The following RERE variants were observed in gnomAD, a reference collection of about 807,000 sequenced individuals.
RERE encodes arginine-glutamic acid dipeptide repeats protein.
A neutral mutation model predicts 146.1 loss-of-function variants in RERE; 40 were observed. The observed-to-expected ratio is 0.27, with a 90% CI of 0.21 to 0.36. RERE has a LOEUF of 0.36. Ranked by LOEUF, RERE falls within the 10% of genes least tolerant of loss-of-function variation. The pLI, the probability that RERE is intolerant of heterozygous loss-of-function variation, is 1.00. For missense variants in RERE, 1,933 were observed against 2,138.7 expected (o/e 0.90, Z 1.90); for synonymous variants, 1,003 against 866.0 (o/e 1.16, Z -2.78).
intron 11 of RERE, among the ~76,000 whole-genome samples, chr1:8,437,859 C>T (rs568012993): frequency 2.5e-4 from 38 of 152,184 alleles, no homozygotes; most frequent in African/African-American, 9.2e-4. Flanking sequence ...CAGGCTGAGA[C>T]TTCTGCTCCC....
intron 1 of RERE, among the ~76,000 whole-genome samples, chr1:8,743,210 ACAAGGCAAGACCCCATCT>A (rs1430053895): frequency 1.1e-4 from 16 of 152,078 alleles, no homozygotes; most frequent in Non-Finnish European, 2.1e-4. Flanking sequence ...AACCTGGGCA[ACAAGGCAAGACCCCATCT>A]CTACAAAAAA....
intron 1 of RERE, among the ~76,000 whole-genome samples, chr1:8,749,970 A>G (rs1169012115): frequency 6.6e-6 from 1 of 152,050 alleles, no homozygotes; most frequent in Non-Finnish European, 1.5e-5. Context: ...TGGCCCACAC[A>G]GCGAAACCTC....
chr1:8,597,281 G>C (rs1399415278), intron 4 of RERE, among the ~76,000 whole-genome samples: 2 of 151,990 alleles, frequency 1.3e-5, no homozygotes, highest in African/African-American at 4.8e-5. Context: ...TAGTGACGGG[G>C]TTTTGCCATG....
chr1:8,646,902 T>C (rs981436476), intron 2 of RERE, among the ~76,000 whole-genome samples: 1 of 152,116 alleles, frequency 6.6e-6, no homozygotes, highest in Non-Finnish European at 1.5e-5. Context: ...GGGCGGATAG[T>C]GTGAGCCAAG....
intron 1 of RERE, among the ~76,000 whole-genome samples, chr1:8,715,008 G>A (rs12066828): frequency 0.014 from 2,162 of 151,760 alleles, 45 homozygotes; most frequent in African/African-American, 0.048. Context: ...CGAATAGCTG[G>A]GACTACAGGC....
At chr1:8,539,607 C>A (rs561837844) in intron 7 of RERE, among the ~76,000 whole-genome samples, 43 of 152,026 alleles carry the variant, frequency 2.8e-4, no homozygotes, top group South Asian at 6.2e-4. Context: ...GGTTTCACCA[C>A]GTTGGCCAGG....
In RERE at chr1:8,365,900, G is replaced by C; in HGVS notation, c.1359C>G (p.His453Gln). Reference sequence around the variant, plus strand: ...TCCTCCTGAACACGGCCTGCCTGCGGTGCCTACGATGGGCTCGGGAGCTGG... The same window carrying C: ...TCCTCCTGAACACGGCCTGCCTGCGCTGCCTACGATGGGCTCGGGAGCTGG... The part of the protein sequence containing the change: ...EAASSRAHRR[H>Q]RRQAVFRRIK... Residue 453 changes from histidine to glutamine, a missense_variant, in exon 13 of 23, where the codon CAC becomes CAG. By Grantham distance (24) the His-to-Gln change is conservative (BLOSUM62 0). Around this residue, in one of 11 missense-constraint regions of RERE, gnomAD observed 260 missense variants for 378.4 expected, o/e 0.69. Coordinates refer to ENST00000400908, the MANE Select transcript of RERE (RefSeq NM_001042681.2). 1 of 1,614,210 alleles carries C rather than the reference G, an allele frequency of 6.2e-7. No individual in the cohort carries two copies. Among genetic ancestry groups the C allele is most frequent in the Non-Finnish European group, 8.5e-7 (1 of 1,180,038 alleles).
chr1:8,682,591 A>T (rs1313321638), intron 1 of RERE, among the ~76,000 whole-genome samples: 1 of 152,200 alleles, frequency 6.6e-6, no homozygotes, highest in Middle Eastern at 3.2e-3. Flanking sequence ...TTCAGTGTCC[A>T]CTAGGGACTG....
chr1:8,783,099 C>A (rs894662561), intron 1 of RERE, among the ~76,000 whole-genome samples: 3 of 152,048 alleles, frequency 2.0e-5, no homozygotes, highest in South Asian at 2.1e-4. Flanking sequence ...TTGGGGAGGG[C>A]GAGACAAGAG....
chr1:8,504,852 CA>C (rs1020812584), intron 8 of RERE, among the ~76,000 whole-genome samples: 272 of 133,742 alleles, frequency 2.0e-3, no homozygotes, highest in African/African-American at 5.9e-3. Flanking sequence ...GACTCCGTCT[CA>C]AAAAAAAAAA....
chr1:8,360,327 C>T lies in RERE; in HGVS notation c.3180G>A (p.Ala1060=), dbSNP rs1357184906. The part of the protein sequence containing the change: ...PTCPSTSTPP[A]GPGTSAQPPC... ...GTGGCTGGGCCGAGGTGCCAGGTCCCGCCGGTGGGGTAGAGGTGGAGGGGC... is the reference window on the plus strand; with the variant it reads ...GTGGCTGGGCCGAGGTGCCAGGTCCTGCCGGTGGGGTAGAGGTGGAGGGGC... Residue 1060 remains alanine (A), a synonymous_variant, in exon 18 of 23, where the codon GCG becomes GCA. Transcript: ENST00000400908. 6.6e-7 allele frequency: 1 copy of T among 1,524,368 alleles called. No individual in the cohort carries two copies. The allele number at this position is 1,524,368 out of a possible 1,614,324, so 94.4% of individuals were successfully genotyped here.
At chr1:8,520,767 A>C (rs1250708344) in intron 7 of RERE, among the ~76,000 whole-genome samples, 5 of 150,548 alleles carry the variant, frequency 3.3e-5, no homozygotes, top group South Asian at 2.1e-4. Flanking sequence ...AAAAAAAAAA[A>C]AAAAAAAAAC....
At position 8,523,233 on chromosome 1, in the gene RERE, ACAAT is replaced by A. The variant is rs371541868; in HGVS notation, c.831-14562_831-14559del. On this transcript the variant is annotated intron_variant, in intron 7 of 22. Coordinates refer to ENST00000400908, the MANE Select transcript of RERE (RefSeq NM_001042681.2). ...AAAAAAAGTGACATGTCAATTAAAC[ACAAT>A]CAAGTTCATTCTAGCTTTCAACCAA... Among the ~76,000 whole-genome samples the A allele has an allele frequency of 1.3e-3, 193 of 152,338 alleles. 2 individuals carry two copies. The South Asian group carries it at 0.039, about 31-fold the overall frequency.
rs1015436851 is a variant in RERE, at chr1:8,375,782, C to T, written c.1285-9808G>A. Among the ~76,000 whole-genome samples, 28 of 151,444 alleles carry T rather than the reference C, an allele frequency of 1.8e-4. 1 individual carries two copies. The South Asian group carries it at 3.3e-3, about 18-fold the overall frequency. On this transcript the variant is annotated intron_variant, in intron 12 of 22. Coordinates refer to ENST00000400908, the MANE Select transcript of RERE (RefSeq NM_001042681.2). ...TGAAAATGTTTCCTCACTCAGCAGC[C>T]ACTGAAAATGCTTCCTCACTCAGCA...
At chr1:8,542,131 C>T (rs866511467) in intron 6 of RERE, among the ~76,000 whole-genome samples, 1 of 152,170 alleles carries the variant, frequency 6.6e-6, no homozygotes, top group Middle Eastern at 3.4e-3. Flanking sequence ...ACTTCCAAAT[C>T]CAAACACACA....
intron 12 of RERE, among the ~76,000 whole-genome samples, chr1:8,379,131 C>T (rs542247174): frequency 2.6e-5 from 4 of 152,052 alleles, no homozygotes; most frequent in Admixed American, 1.3e-4. Context: ...AGCTGGCTCG[C>T]GTGAAGGGAC....
intron 2 of RERE, among the ~76,000 whole-genome samples, chr1:8,651,050 T>A (rs1190284441): frequency 1.3e-5 from 2 of 151,570 alleles, no homozygotes; most frequent in Non-Finnish European, 2.9e-5. Flanking sequence ...TGAGTTGAGA[T>A]CTCACAACTG....
chr1:8,709,108 G>C (rs1282845334), intron 1 of RERE, among the ~76,000 whole-genome samples: 3 of 151,424 alleles, frequency 2.0e-5, no homozygotes, highest in Non-Finnish European at 4.4e-5. Context: ...TTTTAGTAGA[G>C]ACGGCGTTTC....
chr1:8,386,258 T>C (rs1270755252), intron 12 of RERE, among the ~76,000 whole-genome samples: 1 of 151,062 alleles, frequency 6.6e-6, no homozygotes, highest in Non-Finnish European at 1.5e-5. Context: ...AATAAAAAAA[T>C]TAAAAAATTA....
Sources: gnomAD v4.1 joint callset for allele counts (sites outside exome capture counted in the v4.1 genomes callset) on GRCh38, gnomAD v4.1.1 for gene constraint, gnomAD v4.1.1 regional missense constraint, MANE v1.5 for transcripts, NCBI Gene and HGNC (gene_info 2026-07-23, HGNC 2026-07-21) for gene names.